INTS2: variants seen among roughly 807,000 people sequenced by gnomAD.
INTS2 encodes KIAA1287.
In INTS2, 57 loss-of-function variants were observed where a neutral mutation model predicts 139.6. The observed-to-expected ratio is 0.41, with a 90% CI of 0.33 to 0.51. The LOEUF (loss-of-function observed/expected upper bound fraction) is 0.51, where lower values mean the gene tolerates loss of function less well. Ranked by LOEUF, INTS2 falls within the 20% of genes least tolerant of loss-of-function variation. The probability of loss-of-function intolerance (pLI) is 0.28; values close to 1 mark genes in which losing one functional copy is unlikely to be tolerated. For missense variants in INTS2, 1,196 were observed against 1,436.7 expected (o/e 0.83, Z 2.71); for synonymous variants, 473 against 493.4 (o/e 0.96, Z 0.55).
In INTS2 at chr17:61,921,707, T is replaced by C. The variant is rs1383549228; in HGVS notation, c.535+18A>G. 6 of 1,256,802 alleles carry C rather than the reference T, an allele frequency of 4.8e-6. No individual in the cohort carries two copies. Among genetic ancestry groups the C allele is most frequent in the Non-Finnish European group, 6.7e-6 (6 of 890,516 alleles). The allele number at this position is 1,256,802 out of a possible 1,614,324, so 77.9% of individuals were successfully genotyped here. ...AAGAAACTATATATGAAATCCATCT[T>C]AGCACTCAGTACAGTACCTGCTTGT... is the stretch of plus-strand genomic sequence containing the variant. On this transcript the variant is annotated intron_variant, in intron 4 of 24. Coordinates refer to ENST00000251334, the MANE Select transcript of INTS2 (RefSeq NM_001351695.2).
chr17:61,912,208 G>T, intron 5 of INTS2, 138 bp from the exon 6 acceptor site: 1 of 822,902 alleles, frequency 1.2e-6, no homozygotes, highest in Non-Finnish European at 1.9e-6. Context: ...AATGAAAAGA[G>T]ACTTAAAAAA....
At position 61,900,436 on chromosome 17, in the gene INTS2, T is replaced by C. The variant is rs115075042; in HGVS notation, c.1308-2697A>G. The stretch of plus-strand genomic sequence containing the variant: ...CTGAATTAAGGGACAACCAGGTATA[T>C]CTGGAGCACCATTCTGAAAGTAGGA... On this transcript the variant is annotated intron_variant, in intron 9 of 24. Coordinates refer to ENST00000251334, the MANE Select transcript of INTS2 (RefSeq NM_001351695.2). Among the ~76,000 whole-genome samples, 211 of 152,280 alleles carry C rather than the reference T, an allele frequency of 1.4e-3. 1 individual carries two copies. Among genetic ancestry groups the C allele is most frequent in the African/African-American group, 4.9e-3 (202 of 41,568 alleles).
intron 5 of INTS2, 82 bp from the exon 6 acceptor site, chr17:61,912,152 G>T: frequency 7.0e-7 from 1 of 1,433,890 alleles, no homozygotes; most frequent in Non-Finnish European, 9.5e-7. Context: ...AAAGGATCAG[G>T]GTATTTGAAA....
At chr17:61,916,648 T>A (rs1010326166) in intron 5 of INTS2, among the ~76,000 whole-genome samples, 1 of 152,054 alleles carries the variant, frequency 6.6e-6, no homozygotes, top group African/African-American at 2.4e-5. Flanking sequence ...AAAAATTAAC[T>A]CAAGTTAGAT....
Position 61,907,277 on chromosome 17 carries a change from C to T in INTS2, c.1181+131G>A. On this transcript the variant is annotated intron_variant, in intron 8 of 24. Transcript: ENST00000251334. The stretch of plus-strand genomic sequence containing the variant: ...TGGCCTTAGGATTTCATTCTTCTTA[C>T]AGGCCAGCCCACTACCTGAGTCCAA... 1.2e-5 allele frequency: 8 copies of T among 673,670 alleles called. No homozygotes were observed. The South Asian group carries it at 1.4e-4, about 12-fold the overall frequency. The allele number at this position is 673,670 out of a possible 1,614,324, so 41.7% of individuals were successfully genotyped here. A position where few individuals can be genotyped will look rare whatever the true frequency, so the allele number is the denominator to read the frequency against.
intron 11 of INTS2, among the ~76,000 whole-genome samples, chr17:61,896,327 A>C (rs950182952): frequency 3.3e-5 from 5 of 152,082 alleles, no homozygotes; most frequent in Non-Finnish European, 5.9e-5. Flanking sequence ...TAAATGGCAA[A>C]AAATACTGGA....
Position 61,882,778 on chromosome 17 carries a change from G to A in INTS2, c.2090-1607C>T, listed in dbSNP as rs368922106. ...ATGCCTATTTAGTTAATGAATTAAC[G>A]AAGTACTACTATGCTAAGTGCTTCA... On this transcript the variant is annotated intron_variant, in intron 16 of 24. Transcript: ENST00000251334. The surrounding 1 kb of genome is among the most constrained non-coding windows in gnomAD (Gnocchi z 4.7). 2.0e-5 allele frequency among the ~76,000 whole-genome samples: 3 copies of A among 152,236 alleles called. No homozygotes were observed. Among genetic ancestry groups the A allele is most frequent in the East Asian group, 1.9e-4 (1 of 5,182 alleles).
chr17:61,907,002 ACAT>A (rs1016555508), intron 8 of INTS2, among the ~76,000 whole-genome samples: 3 of 149,422 alleles, frequency 2.0e-5, no homozygotes, highest in African/African-American at 4.9e-5. Flanking sequence ...CTTATTAATC[ACAT>A]CATATTAATT....
Position 61,889,483 on chromosome 17 carries a change from C to T in INTS2, c.1984+303G>A, listed in dbSNP as rs72843749. 5.2e-3 allele frequency among the ~76,000 whole-genome samples: 799 copies of T among 152,300 alleles called. 6 individuals carry two copies. Among genetic ancestry groups the T allele is most frequent in the Non-Finnish European group, 8.7e-3 (595 of 68,020 alleles). ...AAATCAAGAGAAAAAAATTCAGTTA[C>T]AGCTCCATCAGGTGTTAAATTTATA... On this transcript the variant is annotated intron_variant, in intron 15 of 24. Coordinates refer to ENST00000251334, the MANE Select transcript of INTS2 (RefSeq NM_001351695.2).
rs2079522827 is a variant in INTS2, at chr17:61,911,164, A to C, written c.954+356T>G. On this transcript the variant is annotated intron_variant, in intron 7 of 24. Coordinates refer to ENST00000251334, the MANE Select transcript of INTS2 (RefSeq NM_001351695.2). ...GTCGCTATTCACAGGCACAATTATC[A>C]CACACTATACCCTAGAACCCCCTGG... 2 of 286,328 alleles carry C rather than the reference A, an allele frequency of 7.0e-6. 1 individual carries two copies. Among genetic ancestry groups the C allele is most frequent in the South Asian group, 3.3e-4 (2 of 6,140 alleles). 17.7% of individuals were successfully genotyped at this position (286,328 alleles called of 1,614,324 possible).
chr17:61,912,789 T>C (rs548894456), intron 5 of INTS2, among the ~76,000 whole-genome samples: 240 of 151,866 alleles, frequency 1.6e-3, no homozygotes, highest in African/African-American at 5.6e-3. Context: ...ATCTTAAAAG[T>C]AACCAGGGCC....
chr17:61,901,455 T>C (rs773926673), intron 9 of INTS2, among the ~76,000 whole-genome samples: 1 of 150,260 alleles, frequency 6.7e-6, no homozygotes, highest in Non-Finnish European at 1.5e-5. Flanking sequence ...TATGCTATAA[T>C]GAACCAATAG....
Position 61,868,983 on chromosome 17 carries a change from GA to G in INTS2, c.3244+50del. 9.4e-7 allele frequency: 1 copy of G among 1,059,146 alleles called. No homozygotes were observed. Among genetic ancestry groups the G allele is most frequent in the Admixed American group, 1.9e-5 (1 of 53,664 alleles). 65.6% of individuals were successfully genotyped at this position (1,059,146 alleles called of 1,614,324 possible). A position where few individuals can be genotyped will look rare whatever the true frequency, so the allele number is the denominator to read the frequency against. ...GCATCACTAAATGCAGAAAATATAG[GA>G]ACTATAATAATTTATGTCAGATGTT... On this transcript the variant is annotated intron_variant, in intron 23 of 24. Coordinates refer to ENST00000251334, the MANE Select transcript of INTS2 (RefSeq NM_001351695.2). The surrounding 1 kb of genome is among the most constrained non-coding windows in gnomAD (Gnocchi z 4.7).
At chr17:61,914,684 CAG>C (rs1177173924) in intron 5 of INTS2, among the ~76,000 whole-genome samples, 5 of 131,932 alleles carry the variant, frequency 3.8e-5, no homozygotes, top group Non-Finnish European at 6.2e-5. Context: ...GCCTGGGCGA[CAG>C]AGTGAGACTC....
intron 5 of INTS2, among the ~76,000 whole-genome samples, chr17:61,915,816 TAAA>T (rs1193639396): frequency 1.6e-5 from 1 of 64,188 alleles, no homozygotes; most frequent in Non-Finnish European, 2.9e-5. Flanking sequence ...AGACTCTGTC[TAAA>T]AAAAAAAAAA....
Position 61,871,177 on chromosome 17 carries a change from G to A in INTS2, c.2778+1088C>T, listed in dbSNP as rs1603371601. On this transcript the variant is annotated intron_variant, in intron 20 of 24. Coordinates refer to ENST00000251334, the MANE Select transcript of INTS2 (RefSeq NM_001351695.2). This position sits in a 1 kb window ranked among gnomAD's most constrained non-coding sequence, Gnocchi z 4.9. Reference sequence around the variant, plus strand: ...GCTCTGTCGCCCAGGCTGTAGTGCAGAGGCACGATCTCAGCTCACTGCAAC... The same window carrying A: ...GCTCTGTCGCCCAGGCTGTAGTGCAAAGGCACGATCTCAGCTCACTGCAAC... Among the ~76,000 whole-genome samples the A allele has an allele frequency of 6.6e-6, 1 of 152,142 alleles. No homozygotes were observed. The highest frequency in any genetic ancestry group is 2.1e-4 in the South Asian group (1 of 4,826).
intron 4 of INTS2, among the ~76,000 whole-genome samples, chr17:61,920,841 AT>A (rs2079633959): frequency 1.3e-5 from 2 of 151,786 alleles, no homozygotes; most frequent in Non-Finnish European, 1.5e-5. Context: ...ACAGAGTGCA[AT>A]GGCACAATCA....
chr17:61,903,174 GAAA>G (rs551514700), intron 9 of INTS2, among the ~76,000 whole-genome samples: 1 of 59,962 alleles, frequency 1.7e-5, no homozygotes, highest in Non-Finnish European at 3.4e-5. Context: ...CTCAAAAAAG[GAAA>G]AAAAAAAAAA....
chr17:61,888,990 A>AG (rs1211419098), intron 15 of INTS2, among the ~76,000 whole-genome samples: 1 of 151,864 alleles, frequency 6.6e-6, no homozygotes, highest in Admixed American at 6.6e-5. Context: ...ATGCCACTGC[A>AG]CTCTAGGCTG....
Sources: gnomAD v4.1 joint callset for allele counts (sites outside exome capture counted in the v4.1 genomes callset) on GRCh38, gnomAD v4.1.1 for gene constraint, Gnocchi (gnomAD v3.1) non-coding constraint, MANE v1.5 for transcripts, NCBI Gene and HGNC (gene_info 2026-07-23, HGNC 2026-07-21) for gene names.